METTL15: variants seen among roughly 807,000 people sequenced by gnomAD.
The protein encoded by METTL15 is 12S rRNA N(4)-cytidine methyltransferase METTL15.
METTL15 carries 34 observed loss-of-function variants against 38.3 expected under a neutral mutation model. The ratio of observed to expected loss-of-function variants is 0.89; its 90% CI spans 0.68 to 1.18. METTL15 has a LOEUF of 1.18. Ranked by LOEUF, METTL15 falls within the 50% of genes most tolerant of loss-of-function variation. The pLI, the probability that METTL15 is intolerant of heterozygous loss-of-function variation, is 0.00. For missense variants in METTL15, 438 were observed against 498.4 expected (o/e 0.88, Z 1.15); for synonymous variants, 162 against 170.9 (o/e 0.95, Z 0.41).
chr11:28,359,104 T>A (rs1850114154), intron 4 of METTL15, among the ~76,000 whole-genome samples: 1 of 152,146 alleles, frequency 6.6e-6, no homozygotes, highest in Admixed American at 6.6e-5. Context: ...ACTCTAGTAG[T>A]CCCCAGTGTC....
At chr11:28,392,066 C>T (rs1371948901) in intron 5 of METTL15, among the ~76,000 whole-genome samples, 1 of 152,128 alleles carries the variant, frequency 6.6e-6, no homozygotes, top group African/African-American at 2.4e-5. Context: ...ATCTACTCTT[C>T]AGACAAAGGG....
chr11:28,466,070 C>T (rs753437257), intron 6 of METTL15, among the ~76,000 whole-genome samples: 6 of 152,160 alleles, frequency 3.9e-5, no homozygotes, highest in South Asian at 2.1e-4. Context: ...CAATTGAAGT[C>T]GGGGGGATCT....
At chr11:28,392,914 A>G (rs1004188070) in intron 5 of METTL15, among the ~76,000 whole-genome samples, 23 of 152,160 alleles carry the variant, frequency 1.5e-4, no homozygotes, top group African/African-American at 5.5e-4. Flanking sequence ...GTTGAACATC[A>G]CTGATCATTA....
At chr11:28,414,441 C>T (rs9651565) in intron 5 of METTL15, among the ~76,000 whole-genome samples, 2,683 of 152,090 alleles carry the variant, frequency 0.018, 52 homozygotes, top group African/African-American at 0.051. Flanking sequence ...TGCAGGGCTC[C>T]GTTCTTCCCC....
intron 4 of METTL15, among the ~76,000 whole-genome samples, chr11:28,213,953 C>G (rs1261437745): frequency 6.6e-6 from 1 of 151,864 alleles, no homozygotes; most frequent in African/African-American, 2.4e-5. Context: ...CCACGCCCGG[C>G]CAAAGCAATG....
chr11:28,521,626 G>A (rs1239428234), intron 6 of METTL15, among the ~76,000 whole-genome samples: 2 of 152,036 alleles, frequency 1.3e-5, no homozygotes, highest in Admixed American at 6.5e-5. Flanking sequence ...AAACTCCAGC[G>A]CTGACCTTGG....
At chr11:28,485,112 TACACACAC>T (rs33941898) in intron 6 of METTL15, among the ~76,000 whole-genome samples, 4 of 148,748 alleles carry the variant, frequency 2.7e-5, no homozygotes, top group African/African-American at 7.5e-5. Flanking sequence ...AATGAAGTTT[TACACACAC>T]ACACACACAC....
At position 28,220,988 on chromosome 11, in the gene METTL15, T is replaced by C. The variant is rs180744491; in HGVS notation, c.407+9790T>C. On this transcript the variant is annotated intron_variant, in intron 4 of 6. Coordinates refer to ENST00000407364, the MANE Select transcript of METTL15 (RefSeq NM_001113528.2). ...ACCGGACCTTTCTCTCTGGCTGCCC[T>C]TAACATTTTTTCCTTCATTTCAACT... Among the ~76,000 whole-genome samples the C allele has an allele frequency of 3.9e-3, 588 of 152,330 alleles. 8 individuals carry two copies. Among genetic ancestry groups the C allele is most frequent in the African/African-American group, 0.014 (566 of 41,568 alleles).
At chr11:28,402,289 T>C (rs1391245322) in intron 5 of METTL15, among the ~76,000 whole-genome samples, 1 of 152,000 alleles carries the variant, frequency 6.6e-6, no homozygotes, top group South Asian at 2.1e-4. Context: ...TAGCCTAGAT[T>C]GCTGAAACAG....
intron 4 of METTL15, among the ~76,000 whole-genome samples, chr11:28,242,225 C>T (rs1009953663): frequency 6.6e-6 from 1 of 152,064 alleles, no homozygotes; most frequent in South Asian, 2.1e-4. Context: ...ATTAAGTATT[C>T]ATTCATGTTA....
chr11:28,150,253 C>G (rs982730308), intron 3 of METTL15, among the ~76,000 whole-genome samples: 1 of 151,790 alleles, frequency 6.6e-6, no homozygotes, highest in Non-Finnish European at 1.5e-5. Context: ...TAGTATTGAT[C>G]TTTTTTCATT....
chr11:28,311,965 C>T (rs1857319968), intron 6 of METTL15, among the ~76,000 whole-genome samples: 1 of 152,198 alleles, frequency 6.6e-6, no homozygotes, highest in African/African-American at 2.4e-5. Context: ...AGTCAAGGGA[C>T]TGGGAACCTA....
At chr11:28,406,932 A>G (rs535281378) in intron 5 of METTL15, among the ~76,000 whole-genome samples, 2 of 152,300 alleles carry the variant, frequency 1.3e-5, no homozygotes, top group East Asian at 1.9e-4. Context: ...TTCTGTGTCT[A>G]TTGAAATAAT....
chr11:28,187,658 A>G (rs892203912), intron 3 of METTL15, among the ~76,000 whole-genome samples: 17 of 150,816 alleles, frequency 1.1e-4, no homozygotes, highest in African/African-American at 4.1e-4. Flanking sequence ...AAATATATGT[A>G]TGCATAAATG....
chr11:28,459,354 A>G (rs1415523554), intron 6 of METTL15, among the ~76,000 whole-genome samples: 1 of 152,194 alleles, frequency 6.6e-6, no homozygotes, highest in Non-Finnish European at 1.5e-5. Flanking sequence ...ACTGATGCCC[A>G]ATGGATTTAA....
At chr11:28,446,053 ACT>A (rs1477137001) in intron 6 of METTL15, among the ~76,000 whole-genome samples, 1 of 151,760 alleles carries the variant, frequency 6.6e-6, no homozygotes, top group Non-Finnish European at 1.5e-5. Context: ...TTGCAATTAG[ACT>A]CTCTGTCCAG....
intron 5 of METTL15, among the ~76,000 whole-genome samples, chr11:28,402,624 C>T (rs1468303586): frequency 6.6e-6 from 1 of 151,848 alleles, no homozygotes; most frequent in Non-Finnish European, 1.5e-5. Context: ...CATTTAAATA[C>T]TTAACTTTTT....
chr11:28,438,932 C>T (rs1334507590), intron 6 of METTL15, among the ~76,000 whole-genome samples: 1 of 151,948 alleles, frequency 6.6e-6, no homozygotes, highest in African/African-American at 2.4e-5. Context: ...CCACCTCGGC[C>T]TCCCAAAGTG....
chr11:28,287,492 A>C (rs888758318), intron 4 of METTL15: 185 of 387,364 alleles, frequency 4.8e-4, no homozygotes, highest in African/African-American at 3.6e-3. Context: ...TCGCCCATGT[A>C]ATCATGCTGC....
Sources: gnomAD v4.1 joint callset for allele counts (sites outside exome capture counted in the v4.1 genomes callset) on GRCh38, gnomAD v4.1.1 for gene constraint, MANE v1.5 for transcripts, NCBI Gene and HGNC (gene_info 2026-07-23, HGNC 2026-07-21) for gene names.